The following N4BP2 variants were observed in gnomAD, a reference collection of about 807,000 sequenced individuals.
The protein encoded by N4BP2 is NEDD4 binding protein 2.
A neutral mutation model predicts 152.8 loss-of-function variants in N4BP2; 91 were observed. That is an observed-to-expected ratio of 0.60 (90% CI 0.50 to 0.71). The LOEUF is 0.71. Ranked by LOEUF, N4BP2 falls within the 30% of genes least tolerant of loss-of-function variation. The pLI, the probability that N4BP2 is intolerant of heterozygous loss-of-function variation, is 0.00. For synonymous variants in N4BP2, 646 were observed against 705.3 expected (o/e 0.92, Z 1.33); for missense variants, 1,923 against 2,059.1 (o/e 0.93, Z 1.28).
chr4:40,152,130 A>G (rs1721203147), intron 16 of N4BP2, among the ~76,000 whole-genome samples: 1 of 152,204 alleles, frequency 6.6e-6, no homozygotes, highest in Non-Finnish European at 1.5e-5. Flanking sequence ...TATCAGGAAA[A>G]GTTTGTTAAC....
chr4:40,066,845 T>TACCCAGTG (rs1301165375), intron 1 of N4BP2, among the ~76,000 whole-genome samples: 3 of 152,196 alleles, frequency 2.0e-5, no homozygotes, highest in Non-Finnish European at 4.4e-5. Flanking sequence ...TGAAACTCTG[T>TACCCAGTG]ACCCAGTGAA....
intron 12 of N4BP2, among the ~76,000 whole-genome samples, chr4:40,130,549 T>C (rs1192256414): frequency 6.6e-6 from 1 of 152,084 alleles, no homozygotes; most frequent in Non-Finnish European, 1.5e-5. Flanking sequence ...AGGGTATCAC[T>C]CTGTTGTCCA....
intron 1 of N4BP2, among the ~76,000 whole-genome samples, chr4:40,060,042 C>G (rs1733533878): frequency 6.6e-6 from 1 of 151,650 alleles, no homozygotes; most frequent in Non-Finnish European, 1.5e-5. Context: ...CTATGTTGCT[C>G]AGGCTGCTCT....
chr4:40,161,633 T>C (rs757144948), downstream of N4BP2, among the ~76,000 whole-genome samples: 1 of 152,198 alleles, frequency 6.6e-6, no homozygotes, highest in Non-Finnish European at 1.5e-5. Flanking sequence ...TGCTGAAATA[T>C]GTACGTAAAA....
At chr4:40,139,606 C>T (rs193056212) in intron 14 of N4BP2, among the ~76,000 whole-genome samples, 2 of 151,052 alleles carry the variant, frequency 1.3e-5, no homozygotes, top group Admixed American at 1.3e-4. Flanking sequence ...ATTCTCCTGC[C>T]TCAGCCTCCC....
chr4:40,180,129 TAAATA>T, the N4BP2 span, among the ~76,000 whole-genome samples: 2 of 152,146 alleles, frequency 1.3e-5, no homozygotes, highest in African/African-American at 4.8e-5. Context: ...AAAGACACCA[TAAATA>T]AAATAAAGAC....
At chr4:40,133,111 CAA>C (rs1490407399) in intron 13 of N4BP2, among the ~76,000 whole-genome samples, 1 of 152,038 alleles carries the variant, frequency 6.6e-6, no homozygotes, top group African/African-American at 2.4e-5. Flanking sequence ...GTTTATTGGT[CAA>C]AGTCTATTTT....
intron 16 of N4BP2, among the ~76,000 whole-genome samples, chr4:40,147,390 C>T (rs1431241225): frequency 1.3e-5 from 2 of 152,224 alleles, no homozygotes; most frequent in Non-Finnish European, 2.9e-5. Flanking sequence ...CACAAAACCG[C>T]CATTGTCATC....
intron 5 of N4BP2, among the ~76,000 whole-genome samples, chr4:40,109,543 C>T (rs1716664337): frequency 1.3e-5 from 2 of 152,042 alleles, no homozygotes; most frequent in African/African-American, 4.8e-5. Flanking sequence ...CATGGCGTTA[C>T]CCCATCTCTA....
At position 40,114,401 on chromosome 4, in the gene N4BP2, C is replaced by T. The variant is rs529054965; in HGVS notation, c.1664+893C>T. On this transcript the variant is annotated intron_variant, in intron 7 of 17. Coordinates refer to ENST00000261435, the MANE Select transcript of N4BP2 (RefSeq NM_018177.6). ...GCAGTTACTCTAGTTCCCCCCTCCT[C>T]TTGGCAACCACTAATGTGTGTTCTG... is the stretch of plus-strand genomic sequence containing the variant. Among the ~76,000 whole-genome samples the T allele has an allele frequency of 2.0e-5, 3 of 152,316 alleles. No individual in the cohort carries two copies. The East Asian group carries it at 5.8e-4, about 29-fold the overall frequency.
At chr4:40,143,822 A>G (rs78041123) in intron 15 of N4BP2, among the ~76,000 whole-genome samples, 3,741 of 152,172 alleles carry the variant, frequency 0.025, 160 homozygotes, top group African/African-American at 0.086. Flanking sequence ...TTCCTTCTTG[A>G]GATGGTGTAT....
At chr4:40,094,369 T>G (rs996887704) in intron 2 of N4BP2, among the ~76,000 whole-genome samples, 22 of 152,076 alleles carry the variant, frequency 1.4e-4, no homozygotes, top group Non-Finnish European at 2.8e-4. Context: ...ATTATTGGTG[T>G]TGTTGAGTTC....
intron 2 of N4BP2, among the ~76,000 whole-genome samples, chr4:40,077,141 A>ATGTG (rs200840604): frequency 1.5e-4 from 22 of 150,096 alleles, no homozygotes; most frequent in African/African-American, 4.1e-4. Context: ...TGTAGAATAT[A>ATGTG]TATGTGTGTG....
the N4BP2 span, among the ~76,000 whole-genome samples, chr4:40,175,343 A>G: frequency 7.8e-5 from 10 of 127,458 alleles, no homozygotes; most frequent in Admixed American, 5.5e-4. Context: ...ATATAGAAAA[A>G]AAAAAAAAAA....
At chr4:40,072,227 C>T (rs1160668720) in intron 1 of N4BP2, among the ~76,000 whole-genome samples, 2 of 151,108 alleles carry the variant, frequency 1.3e-5, no homozygotes, top group African/African-American at 4.9e-5. Context: ...AGGCGTGTGC[C>T]ACTATGCCTG....
chr4:40,187,828 G>A, the N4BP2 span, among the ~76,000 whole-genome samples: 7 of 152,206 alleles, frequency 4.6e-5, no homozygotes, highest in Non-Finnish European at 1.0e-4. Context: ...GAAACTGTGC[G>A]TTAGTGGGTG....
intron 3 of N4BP2, among the ~76,000 whole-genome samples, chr4:40,100,542 G>A (rs1038816175): frequency 1.3e-5 from 2 of 151,826 alleles, no homozygotes; most frequent in Admixed American, 1.3e-4. Flanking sequence ...CTACCACACT[G>A]GTTAATTTTT....
the N4BP2 span, among the ~76,000 whole-genome samples, chr4:40,175,958 C>T: frequency 2.4e-4 from 36 of 151,694 alleles, no homozygotes; most frequent in South Asian, 6.2e-4. Context: ...GGCGCGGTGG[C>T]GGGCGCCTGT....
chr4:40,168,734 T>C, the N4BP2 span, among the ~76,000 whole-genome samples: 1 of 151,946 alleles, frequency 6.6e-6, no homozygotes, highest in South Asian at 2.1e-4. Context: ...TTTTCTTCTT[T>C]TTTTTTTGAG....
Sources: allele counts gnomAD v4.1 joint callset (sites outside exome capture counted in the v4.1 genomes callset), GRCh38; gene constraint gnomAD v4.1.1; transcripts MANE v1.5; gene names NCBI Gene and HGNC (gene_info 2026-07-23, HGNC 2026-07-21).